The following SAMD12 variants were observed in gnomAD, a reference collection of about 807,000 sequenced individuals.
The protein encoded by SAMD12 is sterile alpha motif domain containing 12.
Under a neutral mutation model 15.0 loss-of-function variants are expected in SAMD12, and 9 were observed. The observed-to-expected ratio is 0.60, with a 90% CI of 0.36 to 1.05. The LOEUF is 1.05. SAMD12 is among the 50% of genes least tolerant of loss of function. The probability of loss-of-function intolerance (pLI) is 0.01; values close to 1 mark genes in which losing one functional copy is unlikely to be tolerated. For synonymous variants in SAMD12, 86 were observed against 90.1 expected (o/e 0.96, Z 0.25); for missense variants, 230 against 234.2 (o/e 0.98, Z 0.12).
At chr8:118,566,870 C>T (rs548926460) in intron 2 of SAMD12, among the ~76,000 whole-genome samples, 30 of 152,222 alleles carry the variant, frequency 2.0e-4, no homozygotes, top group South Asian at 1.2e-3. Flanking sequence ...TGGGTTTCTC[C>T]ACTGTTAAAA....
intron 2 of SAMD12, among the ~76,000 whole-genome samples, chr8:118,533,000 T>C (rs1228968013): frequency 6.6e-6 from 1 of 152,242 alleles, no homozygotes; most frequent in East Asian, 1.9e-4. Flanking sequence ...GTGTTTGCTC[T>C]TGTTTCTCTA....
At chr8:118,455,560 C>T (rs1057323349) in intron 2 of SAMD12, among the ~76,000 whole-genome samples, 3 of 152,114 alleles carry the variant, frequency 2.0e-5, no homozygotes, top group African/African-American at 7.2e-5. Flanking sequence ...GTCCCACTGG[C>T]TTTAAATATT....
intron 4 of SAMD12, among the ~76,000 whole-genome samples, chr8:118,212,512 C>T (rs1299719367): frequency 2.0e-5 from 3 of 152,086 alleles, no homozygotes; most frequent in Non-Finnish European, 2.9e-5. Flanking sequence ...GATGTATCTC[C>T]ATAATAAAAC....
chr8:118,549,937 G>GATGAAATGA lies in SAMD12; in HGVS notation c.192+30769_192+30777dup, dbSNP rs1404353701. ...GGAAAAAAGGGTATCAGCAATGGAA[G>GATGAAATGA]ATGAAATGAATGAAATGAAGCGAGA... On this transcript the variant is annotated intron_variant, in intron 2 of 3. Coordinates refer to ENST00000314727, the MANE Select transcript of SAMD12 (RefSeq NM_207506.3). Among the ~76,000 whole-genome samples the GATGAAATGA allele has an allele frequency of 1.7e-3, 261 of 152,176 alleles. 1 individual carries two copies. The highest frequency in any genetic ancestry group is 6.1e-3 in the African/African-American group (254 of 41,516).
rs1563576418 is a variant in SAMD12, at chr8:118,548,420, CA to C, written c.192+32294del. On this transcript the variant is annotated intron_variant, in intron 2 of 3. Transcript: ENST00000314727. ...ACACACACACACACACACACACACACACACCCCATGTGATGGGTAACTTAAT... is the reference window on the plus strand; with the variant it reads ...ACACACACACACACACACACACACACCACCCCATGTGATGGGTAACTTAAT... 3.1e-3 allele frequency among the ~76,000 whole-genome samples: 420 copies of C among 134,792 alleles called. 2 individuals carry two copies. Among genetic ancestry groups the C allele is most frequent in the African/African-American group, 0.011 (395 of 36,246 alleles). 88.4% of individuals were successfully genotyped at this position (134,792 alleles called of 152,430 possible). A position where few individuals can be genotyped will look rare whatever the true frequency, so the allele number is the denominator to read the frequency against.
chr8:118,556,480 A>G (rs137956857), intron 2 of SAMD12, among the ~76,000 whole-genome samples: 1 of 152,328 alleles, frequency 6.6e-6, no homozygotes, highest in East Asian at 1.9e-4. Flanking sequence ...CAACTGGCAA[A>G]TGACATGTTA....
intron 3 of SAMD12, among the ~76,000 whole-genome samples, chr8:118,415,847 T>C (rs937199208): frequency 2.0e-5 from 3 of 152,196 alleles, no homozygotes; most frequent in African/African-American, 7.2e-5. Context: ...CAGGTTGGGA[T>C]CTGCCTGTTA....
intron 4 of SAMD12, among the ~76,000 whole-genome samples, chr8:118,325,759 T>C (rs1473608961): frequency 1.3e-5 from 2 of 152,196 alleles, no homozygotes; most frequent in Non-Finnish European, 2.9e-5. Flanking sequence ...AATTGTTTCT[T>C]TATCCTTGAT....
chr8:118,566,782 T>C (rs1376083701), intron 2 of SAMD12, among the ~76,000 whole-genome samples: 4 of 152,218 alleles, frequency 2.6e-5, no homozygotes, highest in Non-Finnish European at 5.9e-5. Flanking sequence ...ATTAGGTATA[T>C]ATTTAGGCTT....
At chr8:118,306,338 G>A (rs1815346265) in intron 4 of SAMD12, among the ~76,000 whole-genome samples, 1 of 152,180 alleles carries the variant, frequency 6.6e-6, no homozygotes, top group South Asian at 2.1e-4. Context: ...ATTTAGCTGT[G>A]ATTCTGCCTC....
the SAMD12 span, among the ~76,000 whole-genome samples, chr8:118,134,255 C>CAGAGAAATGGT: frequency 6.6e-6 from 1 of 152,178 alleles, no homozygotes. Context: ...GGATAACACG[C>CAGAGAAATGGT]CTGGGAAAGC....
chr8:118,363,466 A>G (rs1818605751), intron 4 of SAMD12, among the ~76,000 whole-genome samples: 1 of 152,160 alleles, frequency 6.6e-6, no homozygotes, highest in African/African-American at 2.4e-5. Flanking sequence ...GACTGCCTTG[A>G]GCTGAGACAC....
intron 4 of SAMD12, among the ~76,000 whole-genome samples, chr8:118,233,851 GT>G (rs1317476192): frequency 6.6e-6 from 1 of 152,170 alleles, no homozygotes; most frequent in Non-Finnish European, 1.5e-5. Flanking sequence ...ATGGTAAGTT[GT>G]TTCCCATGAG....
chr8:118,466,259 T>G (rs1262901665), intron 2 of SAMD12, among the ~76,000 whole-genome samples: 1 of 152,196 alleles, frequency 6.6e-6, no homozygotes, highest in East Asian at 1.9e-4. Flanking sequence ...ATCCAGTGTA[T>G]GGGATCAGGA....
intron 3 of SAMD12, among the ~76,000 whole-genome samples, chr8:118,438,735 G>C (rs548967409): frequency 6.6e-6 from 1 of 152,134 alleles, no homozygotes; most frequent in African/African-American, 2.4e-5. Flanking sequence ...GAGAGATTAG[G>C]ATTTGTCATG....
chr8:118,513,028 G>A lies in SAMD12; in HGVS notation c.192+67687C>T, dbSNP rs144369755. On this transcript the variant is annotated intron_variant, in intron 2 of 3. Transcript: ENST00000314727. ...ACTTATATTTTTTTTTTTTCTTACA[G>A]TTATGTCATATGTGTATCTTTTTCA... 4.5e-3 allele frequency among the ~76,000 whole-genome samples: 679 copies of A among 151,582 alleles called. 2 individuals are homozygous for A. Among genetic ancestry groups the A allele is most frequent in the African/African-American group, 0.015 (601 of 41,314 alleles).
At chr8:118,427,994 T>C (rs1403427096) in intron 3 of SAMD12, among the ~76,000 whole-genome samples, 2 of 152,184 alleles carry the variant, frequency 1.3e-5, no homozygotes, top group Non-Finnish European at 2.9e-5. Flanking sequence ...TATTATTTCA[T>C]TGTGATTTTT....
intron 4 of SAMD12, among the ~76,000 whole-genome samples, chr8:118,237,707 C>T (rs28370834): frequency 0.013 from 2,000 of 152,244 alleles, 59 homozygotes; most frequent in African/African-American, 0.046. Flanking sequence ...ATTGGGACTT[C>T]AGATGTCTTT....
intron 4 of SAMD12, among the ~76,000 whole-genome samples, chr8:118,323,803 G>A (rs567827844): frequency 1.1e-3 from 165 of 151,950 alleles, no homozygotes; most frequent in African/African-American, 3.9e-3. Flanking sequence ...GTAAAATGAG[G>A]ATAATAGTAG....
Sources: gnomAD v4.1 joint callset for allele counts (sites outside exome capture counted in the v4.1 genomes callset) on GRCh38, gnomAD v4.1.1 for gene constraint, MANE v1.5 for transcripts, NCBI Gene and HGNC (gene_info 2026-07-23, HGNC 2026-07-21) for gene names.